Variants in AIG1 observed in about 807,000 individuals in gnomAD.
AIG1 encodes the protein androgen induced 1.
A neutral mutation model predicts 31.4 loss-of-function variants in AIG1; 23 were observed. The ratio of observed to expected loss-of-function variants is 0.73; its 90% CI spans 0.53 to 1.04. The LOEUF (loss-of-function observed/expected upper bound fraction) is 1.04, where lower values mean the gene tolerates loss of function less well. Ranked by LOEUF, AIG1 falls within the 50% of genes least tolerant of loss-of-function variation. The pLI is 0.00. For missense variants in AIG1, 274 were observed against 295.0 expected (o/e 0.93, Z 0.52); for synonymous variants, 100 against 110.5 (o/e 0.90, Z 0.60).
chr6:143,248,776 G>C (rs569908236), intron 3 of AIG1, among the ~76,000 whole-genome samples: 6 of 152,298 alleles, frequency 3.9e-5, no homozygotes, highest in Non-Finnish European at 5.9e-5. Context: ...TCCTTCATCA[G>C]AATCTCAGAG....
chr6:143,143,528 A>AAAAAATATATCTATATATATAT, intron 2 of AIG1, among the ~76,000 whole-genome samples: 1 of 27,784 alleles, frequency 3.6e-5, no homozygotes, highest in Non-Finnish European at 7.9e-5. Flanking sequence ...AAAAAAAAAA[A>AAAAAATATATCTATATATATAT]ATATATATAT....
Position 143,274,511 on chromosome 6 carries a change from A to G in AIG1, c.400-9599A>G, listed in dbSNP as rs146329073. On this transcript the variant is annotated intron_variant, in intron 3 of 5. Transcript: ENST00000357847. ...ATTATTTGCATGTGTTGTGTGAGCC[A>G]CTTCTACTCCAAGATCCTATACATG... 7.4e-3 allele frequency among the ~76,000 whole-genome samples: 1,125 copies of G among 152,348 alleles called. 13 individuals carry two copies. Among genetic ancestry groups the G allele is most frequent in the African/African-American group, 0.026 (1,083 of 41,574 alleles).
intron 4 of AIG1, among the ~76,000 whole-genome samples, chr6:143,323,719 C>T (rs529053918): frequency 2.3e-4 from 35 of 152,298 alleles, no homozygotes; most frequent in African/African-American, 6.7e-4. Context: ...CCCACACACA[C>T]TGTGAGCCCC....
At chr6:143,100,135 C>T (rs1281488423) in intron 1 of AIG1, among the ~76,000 whole-genome samples, 1 of 152,168 alleles carries the variant, frequency 6.6e-6, no homozygotes, top group Non-Finnish European at 1.5e-5. Context: ...TGATGCCACC[C>T]ACTGACAGCA....
intron 2 of AIG1, among the ~76,000 whole-genome samples, chr6:143,163,938 T>C (rs1015066773): frequency 6.6e-6 from 1 of 152,106 alleles, no homozygotes; most frequent in Non-Finnish European, 1.5e-5. Flanking sequence ...TCCTTTGCCT[T>C]CCCTCACTGC....
chr6:143,322,329 T>G (rs943731659), intron 4 of AIG1, among the ~76,000 whole-genome samples: 8 of 152,196 alleles, frequency 5.3e-5, no homozygotes, highest in Non-Finnish European at 8.8e-5. Context: ...AAATTATGAT[T>G]TTCTGTTGTG....
At chr6:143,083,541 C>T (rs536073472) in intron 1 of AIG1, among the ~76,000 whole-genome samples, 3 of 152,136 alleles carry the variant, frequency 2.0e-5, no homozygotes, top group Non-Finnish European at 2.9e-5. Flanking sequence ...TTAGGTACAG[C>T]TGGGTATAGA....
At chr6:143,124,072 A>G (rs1167670679) in intron 1 of AIG1, among the ~76,000 whole-genome samples, 2 of 152,248 alleles carry the variant, frequency 1.3e-5, no homozygotes, top group East Asian at 1.9e-4. Flanking sequence ...AGTGTCAGCA[A>G]TGCTACTAAA....
At position 143,328,971 on chromosome 6, in the gene AIG1, C is replaced by T. The variant is rs1776844066; in HGVS notation, c.516-4311C>T. ...TTAAAAGTCAGCCAAGAACTAAGCACTCTCCAGATAGATGGGCAAGGCCAT... is the reference window on the plus strand; with the variant it reads ...TTAAAAGTCAGCCAAGAACTAAGCATTCTCCAGATAGATGGGCAAGGCCAT... On this transcript the variant is annotated intron_variant, in intron 4 of 5. Coordinates refer to ENST00000357847, the MANE Select transcript of AIG1 (RefSeq NM_016108.4). This position sits in a 1 kb window ranked among gnomAD's most constrained non-coding sequence, Gnocchi z 4.0. Among the ~76,000 whole-genome samples the T allele has an allele frequency of 6.6e-6, 1 of 152,192 alleles. No individual in the cohort carries two copies. The highest frequency in any genetic ancestry group is 2.4e-5 in the African/African-American group (1 of 41,448).
At chr6:143,156,694 G>A (rs1785797912) in intron 2 of AIG1, among the ~76,000 whole-genome samples, 1 of 152,192 alleles carries the variant, frequency 6.6e-6, no homozygotes, top group South Asian at 2.1e-4. Flanking sequence ...TAGGAAGTAA[G>A]GAAGACAGCA....
In AIG1 at chr6:143,309,274, A is replaced by G. The variant is rs78403987; in HGVS notation, c.516-24008A>G. Among the ~76,000 whole-genome samples the G allele has an allele frequency of 7.6e-3, 1,155 of 152,160 alleles. 14 individuals are homozygous for G. Among genetic ancestry groups the G allele is most frequent in the African/African-American group, 0.027 (1,112 of 41,534 alleles). On this transcript the variant is annotated intron_variant, in intron 4 of 5. Coordinates refer to ENST00000357847, the MANE Select transcript of AIG1 (RefSeq NM_016108.4). The stretch of plus-strand genomic sequence containing the variant: ...TAATCCACAGACCTACCCTAGAATA[A>G]ATATTAAAAGATGTTCTTCAAGGAG...
rs139477730 is a variant in AIG1 at position 143,279,771 on chromosome 6, C to G, written c.400-4339C>G. ...ATAGATTTAGGCTTCGTTTTTTGGA[C>G]ACAATCTTCCAAATGATAGCTCCTC... On this transcript the variant is annotated intron_variant, in intron 3 of 5. Transcript: ENST00000357847. The surrounding 1 kb of genome is among the most constrained non-coding windows in gnomAD (Gnocchi z 5.4). 2.7e-3 allele frequency among the ~76,000 whole-genome samples: 405 copies of G among 152,196 alleles called. 1 individual carries two copies. Among genetic ancestry groups the G allele is most frequent in the African/African-American group, 9.3e-3 (385 of 41,550 alleles).
intron 2 of AIG1, among the ~76,000 whole-genome samples, chr6:143,139,988 A>G (rs1454625005): frequency 4.6e-5 from 7 of 152,228 alleles, no homozygotes; most frequent in Admixed American, 2.6e-4. Flanking sequence ...GCTAATGAAG[A>G]CATACCCGAG....
intron 3 of AIG1, among the ~76,000 whole-genome samples, chr6:143,209,000 A>T (rs114457999): frequency 0.014 from 2,105 of 152,062 alleles, 57 homozygotes; most frequent in African/African-American, 0.047. Context: ...CAAGCAGGAG[A>T]AAGGCTGAGG....
In AIG1 at chr6:143,297,112, G is replaced by A. The variant is rs190108506; in HGVS notation, c.515+12887G>A. The stretch of plus-strand genomic sequence containing the variant: ...TTTGCAAGAGGAAAATAGAGTCTAC[G>A]GAAGGTTCTCTAACCCAGACTTAGA... On this transcript the variant is annotated intron_variant, in intron 4 of 5. Transcript: ENST00000357847. The surrounding 1 kb of genome is among the most constrained non-coding windows in gnomAD (Gnocchi z 5.1). 5.3e-5 allele frequency among the ~76,000 whole-genome samples: 8 copies of A among 152,256 alleles called. No homozygotes were observed. Among genetic ancestry groups the A allele is most frequent in the South Asian group, 2.1e-4 (1 of 4,822 alleles).
intron 1 of AIG1, among the ~76,000 whole-genome samples, chr6:143,070,272 A>G (rs997606896): frequency 6.6e-6 from 1 of 152,224 alleles, no homozygotes; most frequent in Non-Finnish European, 1.5e-5. Flanking sequence ...AAAGTTGGAC[A>G]TCTTAACAAT....
intron 3 of AIG1, among the ~76,000 whole-genome samples, chr6:143,190,975 T>C (rs754700561): frequency 1.3e-5 from 2 of 151,242 alleles, no homozygotes; most frequent in African/African-American, 2.4e-5. Context: ...ACTGAGACAC[T>C]ATCTATTTTT....
At chr6:143,249,867 G>C (rs1794892933) in intron 3 of AIG1, among the ~76,000 whole-genome samples, 1 of 152,222 alleles carries the variant, frequency 6.6e-6, no homozygotes, top group Non-Finnish European at 1.5e-5. Context: ...TGGGCATGTA[G>C]TGAATCAAGG....
At chr6:143,182,698 T>C (rs934347226) in intron 3 of AIG1, among the ~76,000 whole-genome samples, 8 of 152,364 alleles carry the variant, frequency 5.3e-5, no homozygotes, top group Admixed American at 2.6e-4. Flanking sequence ...CTTCCCTTGC[T>C]AGAATGGAAT....
Sources: allele counts gnomAD v4.1 joint callset (sites outside exome capture counted in the v4.1 genomes callset), GRCh38; gene constraint gnomAD v4.1.1; non-coding constraint Gnocchi (gnomAD v3.1); transcripts MANE v1.5; gene names NCBI Gene and HGNC (gene_info 2026-07-23, HGNC 2026-07-21).